CALCR: variants seen among roughly 807,000 people sequenced by gnomAD.
The protein encoded by CALCR is calcitonin receptor.
In CALCR, 47 loss-of-function variants were observed where a neutral mutation model predicts 59.5. The observed-to-expected ratio is 0.79, with a 90% CI of 0.63 to 1.01. The LOEUF (loss-of-function observed/expected upper bound fraction) is 1.01, where lower values mean the gene tolerates loss of function less well. Among genes scored for constraint, CALCR ranks in the 50% least tolerant of loss-of-function variants. The pLI, the probability that CALCR is intolerant of heterozygous loss-of-function variation, is 0.00. For synonymous variants in CALCR, 213 were observed against 211.3 expected (o/e 1.01, Z -0.07); for missense variants, 566 against 597.1 (o/e 0.95, Z 0.54).
intron 2 of CALCR, among the ~76,000 whole-genome samples, chr7:93,564,522 G>A (rs539047651): frequency 4.0e-5 from 6 of 151,860 alleles, no homozygotes; most frequent in South Asian, 2.1e-4. Context: ...GCACTATCTC[G>A]GCTCACTGCA....
intron 2 of CALCR, among the ~76,000 whole-genome samples, chr7:93,571,522 GC>G (rs1259650641): frequency 1.3e-4 from 19 of 151,566 alleles, no homozygotes; most frequent in African/African-American, 4.4e-4. Context: ...TACATTATGT[GC>G]CCAAATCACA....
At chr7:93,500,789 C>T (rs867175658) in intron 2 of CALCR, among the ~76,000 whole-genome samples, 47 of 152,088 alleles carry the variant, frequency 3.1e-4, no homozygotes, top group African/African-American at 1.1e-3. Context: ...ATCCTCTCAC[C>T]ACTTATGGGA....
At chr7:93,567,195 G>T (rs923159312) in intron 2 of CALCR, among the ~76,000 whole-genome samples, 2 of 152,238 alleles carry the variant, frequency 1.3e-5, no homozygotes, top group African/African-American at 4.8e-5. Context: ...TGAATTATTG[G>T]TTTGGAGGAA....
rs76989580 is a variant in CALCR, at chr7:93,441,235, G to A, written c.802+2369C>T. On this transcript the variant is annotated intron_variant, in intron 9 of 13. Transcript: ENST00000426151. ...AATTTTCTGAGTATGGCAGATAGAT[G>A]TTTTGAACAATCAAAACTGGTAAAA... Among the ~76,000 whole-genome samples the A allele has an allele frequency of 5.9e-3, 905 of 152,104 alleles. 7 individuals are homozygous for A. Among genetic ancestry groups the A allele is most frequent in the African/African-American group, 0.021 (876 of 41,494 alleles).
chr7:93,468,795 A>G lies in CALCR; in HGVS notation c.441T>C (p.Val147=). Residue 147 remains valine, a synonymous_variant, in exon 7 of 14, where the codon GTT becomes GTC. Transcript: ENST00000426151. The part of the protein sequence containing the change: ...FTPEKLKNAY[V]LYYLAIVGHS... ...GACCCACAATAGCCAAATAGTACAG[A>G]ACATATGCATTCTGGAACAACAAAA... 1 of 1,600,244 alleles carries G rather than the reference A, an allele frequency of 6.2e-7. No homozygotes were observed. The highest frequency in any genetic ancestry group is 8.5e-7 in the Non-Finnish European group (1 of 1,171,046).
At chr7:93,566,071 TAAAG>T (rs1164516539) in intron 2 of CALCR, among the ~76,000 whole-genome samples, 1 of 152,004 alleles carries the variant, frequency 6.6e-6, no homozygotes, top group African/African-American at 2.4e-5. Flanking sequence ...TTATTATTAT[TAAAG>T]AGATTTTTTT....
intron 7 of CALCR, chr7:93,462,187 T>C (rs781046846): frequency 1.0e-4 from 78 of 748,164 alleles, no homozygotes; most frequent in Non-Finnish European, 1.4e-4. Flanking sequence ...AGTTTTCAAC[T>C]TTTCGGGAAG....
chr7:93,487,286 G>A (rs1291083323), intron 2 of CALCR, among the ~76,000 whole-genome samples: 2 of 151,340 alleles, frequency 1.3e-5, no homozygotes, highest in African/African-American at 4.8e-5. Context: ...TTCCAAGAGA[G>A]CAAGAGCAAC....
At chr7:93,545,829 A>G (rs1789272019) in intron 2 of CALCR, among the ~76,000 whole-genome samples, 1 of 152,046 alleles carries the variant, frequency 6.6e-6, no homozygotes, top group South Asian at 2.1e-4. Context: ...AAAGCAAGGA[A>G]TCTCCTCACT....
intron 2 of CALCR, among the ~76,000 whole-genome samples, chr7:93,558,623 T>TA (rs1186696555): frequency 5.9e-5 from 9 of 152,174 alleles, no homozygotes; most frequent in East Asian, 5.8e-4. Context: ...TTAACTGGAA[T>TA]AAAAAAACCT....
intron 2 of CALCR, among the ~76,000 whole-genome samples, chr7:93,527,600 G>A (rs1788698505): frequency 6.6e-6 from 1 of 152,032 alleles, no homozygotes; most frequent in African/African-American, 2.4e-5. Flanking sequence ...TTACGAGTTA[G>A]CAGCCATTTT....
At chr7:93,511,903 C>T (rs1412410054) in intron 2 of CALCR, among the ~76,000 whole-genome samples, 1 of 152,152 alleles carries the variant, frequency 6.6e-6, no homozygotes, top group African/African-American at 2.4e-5. Context: ...AAAGAATCTT[C>T]TTTTCTGGGT....
intron 8 of CALCR, among the ~76,000 whole-genome samples, chr7:93,451,808 A>G (rs1276005825): frequency 6.6e-6 from 1 of 151,980 alleles, no homozygotes; most frequent in Non-Finnish European, 1.5e-5. Flanking sequence ...GATACAGAAG[A>G]TACATATACA....
chr7:93,432,280 T>C (rs964732284), intron 13 of CALCR, among the ~76,000 whole-genome samples: 2 of 152,224 alleles, frequency 1.3e-5, no homozygotes, highest in African/African-American at 4.8e-5. Flanking sequence ...CCTAGATTTC[T>C]GCTAAAACTC....
At chr7:93,565,932 T>G (rs1789855337) in intron 2 of CALCR, among the ~76,000 whole-genome samples, 4 of 152,204 alleles carry the variant, frequency 2.6e-5, no homozygotes. Context: ...AATGGATGAG[T>G]CAAGTCAATT....
At chr7:93,494,868 T>C (rs1801164595) in intron 2 of CALCR, among the ~76,000 whole-genome samples, 1 of 151,230 alleles carries the variant, frequency 6.6e-6, no homozygotes, top group Non-Finnish European at 1.5e-5. Context: ...AAGAAAAGAA[T>C]GGGAGAGAGA....
intron 2 of CALCR, among the ~76,000 whole-genome samples, chr7:93,571,687 T>G (rs1019061793): frequency 6.6e-6 from 1 of 152,188 alleles, no homozygotes; most frequent in African/African-American, 2.4e-5. Context: ...ATCATTGAAC[T>G]TAAAAAGACC....
chr7:93,544,415 T>C (rs1789229092), intron 2 of CALCR, among the ~76,000 whole-genome samples: 2 of 152,144 alleles, frequency 1.3e-5, no homozygotes, highest in South Asian at 2.1e-4. Flanking sequence ...TTTTCATATG[T>C]TTTTGCTCCC....
rs201408231 is a variant in CALCR, at chr7:93,448,188, TCA to T, written c.649-4433_649-4432del. On this transcript the variant is annotated intron_variant, in intron 8 of 13. Transcript: ENST00000426151. ...TCGTGTGCACAAAAACTCTTAGCTTTCACACACACACACAAAAAACTACTGCA... is the reference window on the plus strand; with the variant it reads ...TCGTGTGCACAAAAACTCTTAGCTTTCACACACACACAAAAAACTACTGCA... Among the ~76,000 whole-genome samples the T allele has an allele frequency of 6.0e-3, 919 of 151,908 alleles. 11 individuals are homozygous for T. Among genetic ancestry groups the T allele is most frequent in the African/African-American group, 0.02 (842 of 41,442 alleles).
Sources: allele counts gnomAD v4.1 joint callset (sites outside exome capture counted in the v4.1 genomes callset), GRCh38; gene constraint gnomAD v4.1.1; transcripts MANE v1.5; gene names NCBI Gene and HGNC (gene_info 2026-07-23, HGNC 2026-07-21).